The following RHEX variants were observed in gnomAD, a reference collection of about 807,000 sequenced individuals.
RHEX encodes regulator of hemoglobinization and erythroid cell expansion.
A neutral mutation model predicts 20.1 loss-of-function variants in RHEX; 18 were observed. The ratio of observed to expected loss-of-function variants is 0.90; its 90% confidence interval spans 0.62 to 1.33. The LOEUF (loss-of-function observed/expected upper bound fraction) is 1.33. Among genes scored for constraint, RHEX ranks in the 40% most tolerant of loss-of-function variants. The pLI, the probability that RHEX is intolerant of heterozygous loss-of-function variation, is 0.00. For synonymous variants in RHEX, 87 were observed against 77.1 expected, an observed-to-expected ratio of 1.13 and a Z score of -0.67; for missense variants, 192 against 214.3, an observed-to-expected ratio of 0.90 and a Z score of 0.65.
At chr1:206,080,702 G>GGGCC (rs1233387020) in intron 1 of RHEX, among the ~76,000 whole-genome samples, 1 of 152,174 alleles carries the variant, frequency 6.6e-6, no homozygotes, top group Non-Finnish European at 1.5e-5. Context: ...AGAGATAAGG[G>GGGCC]GGCCACATGT....
Position 206,067,617 on chromosome 1 carries a change from C to A in RHEX, c.-97+14352C>A, listed in dbSNP as rs782614267. Among the ~76,000 whole-genome samples the A allele has an allele frequency of 2.6e-5, 4 of 152,156 alleles. No individual in the cohort carries two copies. The highest frequency in any genetic ancestry group is 2.9e-5 in the Non-Finnish European group (2 of 68,022). ...GGAGAGCAATTTTTCTGCCAGACAGCTCATCACTGACAACCCACTGGCAGG... is the reference window on the plus strand; with the variant it reads ...GGAGAGCAATTTTTCTGCCAGACAGATCATCACTGACAACCCACTGGCAGG... On this transcript the variant is annotated intron_variant, in intron 1 of 5. Transcript: ENST00000331555. This position sits in a 1 kb window ranked among gnomAD's most constrained non-coding sequence, Gnocchi z 4.6.
intron 1 of RHEX, among the ~76,000 whole-genome samples, chr1:206,086,900 G>A (rs889336982): frequency 1.3e-5 from 2 of 152,096 alleles, no homozygotes; most frequent in East Asian, 1.9e-4. Flanking sequence ...CCAACTACTC[G>A]GGAGGCTGAG....
At chr1:206,057,835 T>A (rs1553282797) in intron 1 of RHEX, among the ~76,000 whole-genome samples, 1 of 152,278 alleles carries the variant, frequency 6.6e-6, no homozygotes, top group Non-Finnish European at 1.5e-5. Flanking sequence ...AGATGTCTCA[T>A]GGGGATATGG....
chr1:206,090,496 C>T (rs1211533981), intron 1 of RHEX, among the ~76,000 whole-genome samples: 1 of 151,916 alleles, frequency 6.6e-6, no homozygotes, highest in Non-Finnish European at 1.5e-5. Flanking sequence ...TGTGAGCCAC[C>T]GCGCCTGGCC....
At chr1:206,068,529 G>A (rs540064881) in intron 1 of RHEX, among the ~76,000 whole-genome samples, 3 of 152,146 alleles carry the variant, frequency 2.0e-5, no homozygotes, top group Non-Finnish European at 4.4e-5. Flanking sequence ...AGTGGTAAGA[G>A]GTGCACTATG....
At position 206,086,896 on chromosome 1, in the gene RHEX, A is replaced by G. The variant is rs150252664; in HGVS notation, c.-96-10837A>G. On this transcript the variant is annotated intron_variant, in intron 1 of 5. Transcript: ENST00000331555. ...GTGGTATGCACCTGTGGTCCCAACTACTCGGGAGGCTGAGGTGGGAGGATT... is the reference window on the plus strand; with the variant it reads ...GTGGTATGCACCTGTGGTCCCAACTGCTCGGGAGGCTGAGGTGGGAGGATT... Among the ~76,000 whole-genome samples the G allele has an allele frequency of 3.2e-3, 480 of 151,424 alleles. 1 individual carries two copies. Among genetic ancestry groups the G allele is most frequent in the African/African-American group, 0.011 (446 of 41,218 alleles).
chr1:206,088,262 C>T (rs1662876800), intron 1 of RHEX, among the ~76,000 whole-genome samples: 1 of 152,152 alleles, frequency 6.6e-6, no homozygotes, highest in Non-Finnish European at 1.5e-5. Context: ...GTTTTGTTAA[C>T]ACTTACATGT....
chr1:206,077,024 ATGCG>A, intron 1 of RHEX, among the ~76,000 whole-genome samples: 1 of 152,370 alleles, frequency 6.6e-6, no homozygotes, highest in Middle Eastern at 3.4e-3. Flanking sequence ...GCATGGATAA[ATGCG>A]TGAATTAAGG....
In RHEX at chr1:206,096,787, T is replaced by G. The variant is rs571957448; in HGVS notation, c.-96-946T>G. On this transcript the variant is annotated intron_variant, in intron 1 of 5. Transcript: ENST00000331555. ...CCTGTTTTTTTTTTTTTTGGTTTTT[T>G]TTTTTGAGACAGGGTCTTGCTCTGT... Among the ~76,000 whole-genome samples the G allele has an allele frequency of 2.7e-5, 4 of 149,182 alleles. No homozygotes were observed. The East Asian group carries it at 7.8e-4, about 29-fold the overall frequency.
chr1:206,095,326 G>C (rs1663042232), intron 1 of RHEX, among the ~76,000 whole-genome samples: 1 of 152,086 alleles, frequency 6.6e-6, no homozygotes, highest in Non-Finnish European at 1.5e-5. Context: ...CGCCTGGTTG[G>C]AGCCTTTTAG....
At chr1:206,057,531 G>T (rs1313697878) in intron 1 of RHEX, among the ~76,000 whole-genome samples, 1 of 152,256 alleles carries the variant, frequency 6.6e-6, no homozygotes, top group Non-Finnish European at 1.5e-5. Context: ...TTCCAAAGTT[G>T]CAGACTGTTT....
intron 1 of RHEX, among the ~76,000 whole-genome samples, chr1:206,059,596 G>A (rs1351221103): frequency 2.0e-5 from 3 of 151,886 alleles, no homozygotes; most frequent in African/African-American, 7.3e-5. Flanking sequence ...GAAGAAACAG[G>A]AAGGAGACTG....
At chr1:206,070,730 C>A (rs1038941321) in intron 1 of RHEX, among the ~76,000 whole-genome samples, 1 of 152,102 alleles carries the variant, frequency 6.6e-6, no homozygotes, top group Non-Finnish European at 1.5e-5. Flanking sequence ...ATTTTTAAAT[C>A]CTCCACAGAC....
intron 1 of RHEX, among the ~76,000 whole-genome samples, chr1:206,090,487 G>T (rs1662926173): frequency 6.6e-6 from 1 of 151,932 alleles, no homozygotes; most frequent in Admixed American, 6.6e-5. Context: ...GATTACAGGT[G>T]TGAGCCACCG....
Position 206,098,175 on chromosome 1 carries a change from C to T in RHEX, c.106C>T (p.His36Tyr). The change falls in exon 3 of 6, where the codon CAC (histidine) becomes TAC (tyrosine). Residue 36 changes from histidine to tyrosine, a missense_variant. Physicochemically the swap from His to Tyr is moderately conservative, Grantham distance 83. Transcript: ENST00000331555. ...LTAINYLLSRHMAHKSEQILK... is the reference protein window; with the variant it reads ...LTAINYLLSRYMAHKSEQILK... ...CGCCATCAACTACCTGCTCAGCAGG[C>T]ACATGGGTAACTGGCTCAGCATCCT... The T allele has an allele frequency of 2.5e-6, 4 of 1,609,074 alleles. No homozygotes were observed. Among genetic ancestry groups the T allele is most frequent in the South Asian group, 2.2e-5 (2 of 90,986 alleles).
At chr1:206,087,794 A>G (rs1662868118) in intron 1 of RHEX, among the ~76,000 whole-genome samples, 1 of 152,228 alleles carries the variant, frequency 6.6e-6, no homozygotes, top group South Asian at 2.1e-4. Flanking sequence ...ATAGTTAATA[A>G]CAACGTATTG....
At chr1:206,054,313 T>G (rs1662141685) in intron 1 of RHEX, among the ~76,000 whole-genome samples, 1 of 152,234 alleles carries the variant, frequency 6.6e-6, no homozygotes, top group Non-Finnish European at 1.5e-5. Context: ...AAAAAATTTA[T>G]GCAAAAAATG....
intron 1 of RHEX, among the ~76,000 whole-genome samples, chr1:206,065,394 C>A (rs1046788039): frequency 2.0e-5 from 3 of 152,120 alleles, no homozygotes; most frequent in Non-Finnish European, 4.4e-5. Flanking sequence ...AACAAAAGGA[C>A]TTGCATGCTT....
At chr1:206,073,412 C>T (rs782020397) in intron 1 of RHEX, among the ~76,000 whole-genome samples, 1 of 152,164 alleles carries the variant, frequency 6.6e-6, no homozygotes, top group Admixed American at 6.5e-5. Context: ...GTGCCAGACA[C>T]ATTGTAAGTA....
Sources: gnomAD v4.1 joint callset for allele counts (sites outside exome capture counted in the v4.1 genomes callset) on GRCh38, gnomAD v4.1.1 for gene constraint, Gnocchi (gnomAD v3.1) non-coding constraint, MANE v1.5 for transcripts, NCBI Gene and HGNC (gene_info 2026-07-23, HGNC 2026-07-21) for gene names.